MRC2: variants seen among roughly 807,000 people sequenced by gnomAD.
The protein encoded by MRC2 is C-type mannose receptor 2.
In MRC2, 84 loss-of-function variants were observed where a neutral mutation model predicts 206.2. The observed-to-expected ratio is 0.41, with a 90% CI of 0.34 to 0.49. MRC2 has a LOEUF of 0.49. MRC2 is among the 20% of genes least tolerant of loss of function. The pLI, the probability that MRC2 is intolerant of heterozygous loss-of-function variation, is 0.31. For missense variants in MRC2, 1,676 were observed against 2,001.5 expected (o/e 0.84, Z 3.10); for synonymous variants, 798 against 800.0 (o/e 1.00, Z 0.04).
intron 1 of MRC2, among the ~76,000 whole-genome samples, chr17:62,663,192 T>TTCCCTCCC (rs1312922269): frequency 1.3e-5 from 2 of 150,346 alleles, no homozygotes; most frequent in Non-Finnish European, 1.5e-5. Flanking sequence ...CTTACCTTCC[T>TTCCCTCCC]TCCCTCCCTC....
chr17:62,641,713 C>T (rs1256344211), intron 1 of MRC2, among the ~76,000 whole-genome samples: 1 of 152,186 alleles, frequency 6.6e-6, no homozygotes, highest in East Asian at 1.9e-4. Context: ...TTTGCAACAA[C>T]ATGGGTGAAT....
At chr17:62,636,982 TCTTCC>T (rs1051295221) in intron 1 of MRC2, among the ~76,000 whole-genome samples, 7 of 152,138 alleles carry the variant, frequency 4.6e-5, no homozygotes, top group African/African-American at 1.7e-4. Context: ...TCCCTTAGGG[TCTTCC>T]CTTCCACCCT....
At position 62,664,748 on chromosome 17, in the gene MRC2, C is replaced by A. The variant is rs1202606615; in HGVS notation, c.319C>A (p.Leu107Met). ...GWPGTNTTASLGMYECDREAL... is the reference protein window; with the variant it reads ...GWPGTNTTASMGMYECDREAL... The stretch of plus-strand genomic sequence containing the variant: ...GCCAGGCACCAACACCACGGCCTCC[C>A]TGGGCATGTATGAGTGTGACCGGGA... Residue 107 changes from leucine (L) to methionine (M), a missense_variant, in exon 2 of 30, where the codon CTG becomes ATG. Around this residue, in one of 3 missense-constraint regions of MRC2, gnomAD observed 318 missense variants for 346.7 expected, o/e 0.92. Transcript: ENST00000303375. The surrounding 1 kb of genome is among the most constrained non-coding windows in gnomAD (Gnocchi z 4.7). 1 of 1,613,934 alleles carries A rather than the reference C, an allele frequency of 6.2e-7. No individual in the cohort carries two copies.
At chr17:62,632,516 C>T (rs1207200369) in intron 1 of MRC2, among the ~76,000 whole-genome samples, 3 of 152,178 alleles carry the variant, frequency 2.0e-5, no homozygotes, top group Non-Finnish European at 4.4e-5. Context: ...TTCCTAGTTT[C>T]CCCGGCCCCC....
rs1248375686 is a variant in MRC2, at chr17:62,671,814, T to TCC, written c.1284_1285insCC (p.Ile429ProfsTer20). On this transcript the variant is annotated frameshift_variant, in exon 7 of 30. Coordinates refer to ENST00000303375, the MANE Select transcript of MRC2 (RefSeq NM_006039.5). LOFTEE classifies it high-confidence loss of function. The surrounding 1 kb of genome is among the most constrained non-coding windows in gnomAD (Gnocchi z 4.5). ...ATCCACAGCATGGCGGAGCTGGAAT[T>TCC]CATCACCAAGCAGATCAAGCAAGGT... is the stretch of plus-strand genomic sequence containing the variant. 1 of 1,604,428 alleles carries TCC rather than the reference T, an allele frequency of 6.2e-7. No individual in the cohort carries two copies. Among genetic ancestry groups the TCC allele is most frequent in the African/African-American group, 1.3e-5 (1 of 74,846 alleles).
At position 62,692,606 on chromosome 17, in the gene MRC2, G is replaced by A. The variant is rs2089126529; in HGVS notation, c.*155G>A. On this transcript the variant is annotated 3_prime_UTR_variant, in exon 30 of 30. Transcript: ENST00000303375. The surrounding 1 kb of genome is among the most constrained non-coding windows in gnomAD (Gnocchi z 4.2). ...CCGGAGCTGGGCAGAGCCTGGGCTGGTGGGGTGCCACCCTCCCACAAGGGC... is the reference window on the plus strand; with the variant it reads ...CCGGAGCTGGGCAGAGCCTGGGCTGATGGGGTGCCACCCTCCCACAAGGGC... 4.0e-6 allele frequency: 3 copies of A among 755,936 alleles called. No homozygotes were observed. In the South Asian group the frequency reaches 5.4e-5, roughly 14 times the overall value. The allele number at this position is 755,936 out of a possible 1,614,324, so 46.8% of individuals were successfully genotyped here.
In MRC2 at chr17:62,681,890, G is replaced by A. The variant is rs1401882957; in HGVS notation, c.2756G>A (p.Arg919Gln). ...ATCTCCTGGGCACCAGGCAAACCTC[G>A]GCCTGTCGGCAAGGACAAGAAGTGC... Reference protein sequence around the residue: ...NFISWAPGKPRPVGKDKKCVY... With the variant: ...NFISWAPGKPQPVGKDKKCVY... Residue 919 changes from arginine (R) to glutamine (Q), a missense_variant, in exon 19 of 30, where the codon CGG (arginine) becomes CAG (glutamine). Arg to Gln is a conservative substitution (Grantham distance 43). Coordinates refer to ENST00000303375, the MANE Select transcript of MRC2 (RefSeq NM_006039.5). 4 of 1,613,966 alleles carry A rather than the reference G, an allele frequency of 2.5e-6. No individual in the cohort carries two copies. The highest frequency in any genetic ancestry group is 2.2e-5 in the South Asian group (2 of 91,022).
At chr17:62,688,721 G>A (rs1348555572) in intron 22 of MRC2, 57 bp downstream of exon 22, 1 of 1,596,428 alleles carries the variant, frequency 6.3e-7, no homozygotes, top group Non-Finnish European at 8.5e-7. Context: ...CTGTGGGGCT[G>A]CCTTTGCCCC....
At chr17:62,646,023 ATTTTTTT>A (rs34679697) in intron 1 of MRC2, among the ~76,000 whole-genome samples, 1 of 106,398 alleles carries the variant, frequency 9.4e-6, no homozygotes, top group Non-Finnish European at 2.0e-5. Flanking sequence ...GTCCTTTTCT[ATTTTTTT>A]TTTTTTTTTT....
intron 1 of MRC2, among the ~76,000 whole-genome samples, chr17:62,648,391 G>T (rs763751392): frequency 6.6e-6 from 1 of 152,192 alleles, no homozygotes; most frequent in Non-Finnish European, 1.5e-5. Flanking sequence ...AACTCCTCCC[G>T]TCCCAGTGTC....
At chr17:62,676,241 C>A in intron 10 of MRC2, 142 bp from the exon 11 acceptor site, 1 of 999,754 alleles carries the variant, frequency 1.0e-6, no homozygotes, top group Non-Finnish European at 1.4e-6. Flanking sequence ...AAATCAGCTG[C>A]AGGGCTCCCA....
chr17:62,649,811 C>G (rs971629867), intron 1 of MRC2, among the ~76,000 whole-genome samples: 5 of 151,218 alleles, frequency 3.3e-5, no homozygotes, highest in Admixed American at 2.6e-4. Context: ...GGCAGCAGAC[C>G]CCCCCCGCCC....
At chr17:62,684,542 C>T (rs2089009417) in intron 20 of MRC2, among the ~76,000 whole-genome samples, 1 of 152,154 alleles carries the variant, frequency 6.6e-6, no homozygotes, top group Non-Finnish European at 1.5e-5. Flanking sequence ...TCCCCACAGT[C>T]GTTATTTTTC....
intron 17 of MRC2, 36 bp from the exon 18 acceptor site, chr17:62,681,026 G>C: frequency 6.2e-7 from 1 of 1,612,620 alleles, no homozygotes; most frequent in Non-Finnish European, 8.5e-7. Context: ...AGGGCAGGGG[G>C]CTGCCTACCC....
intron 1 of MRC2, among the ~76,000 whole-genome samples, chr17:62,633,197 T>C (rs2088267087): frequency 6.6e-6 from 1 of 152,180 alleles, no homozygotes; most frequent in South Asian, 2.1e-4. Context: ...TACTAAATTA[T>C]TGCTATTTTT....
chr17:62,645,128 C>G (rs1281041657), intron 1 of MRC2, among the ~76,000 whole-genome samples: 1 of 152,134 alleles, frequency 6.6e-6, no homozygotes, highest in Non-Finnish European at 1.5e-5. Flanking sequence ...AGGCTTCCTT[C>G]TTTTTAAAAA....
intron 6 of MRC2, among the ~76,000 whole-genome samples, chr17:62,668,128 A>T (rs2088780261): frequency 6.6e-6 from 1 of 152,158 alleles, no homozygotes; most frequent in African/African-American, 2.4e-5. Flanking sequence ...AGGCCAAGGC[A>T]GGAGGATTGC....
At chr17:62,628,749 G>A (rs1172184928) in intron 1 of MRC2, among the ~76,000 whole-genome samples, 1 of 152,190 alleles carries the variant, frequency 6.6e-6, no homozygotes, top group Non-Finnish European at 1.5e-5. Flanking sequence ...TAACAGTGAA[G>A]TGTGGGGACA....
In MRC2 at chr17:62,683,029, T is replaced by C. The variant is rs374647334; in HGVS notation, c.2946+652T>C. 4.6e-5 allele frequency among the ~76,000 whole-genome samples: 7 copies of C among 152,296 alleles called. No homozygotes were observed. In the East Asian group the frequency reaches 1.3e-3, roughly 29 times the overall value. ...AGCTTACATGACCAAACTATGTGTG[T>C]GTACATTTAACTTATATATGTATAT... On this transcript the variant is annotated intron_variant, in intron 20 of 29. Coordinates refer to ENST00000303375, the MANE Select transcript of MRC2 (RefSeq NM_006039.5).
Sources: allele counts gnomAD v4.1 joint callset (sites outside exome capture counted in the v4.1 genomes callset), GRCh38; gene constraint gnomAD v4.1.1; regional missense constraint gnomAD v4.1.1; non-coding constraint Gnocchi (gnomAD v3.1); transcripts MANE v1.5; gene names NCBI Gene and HGNC (gene_info 2026-07-23, HGNC 2026-07-21).